MED13L: variants seen among roughly 807,000 people sequenced by gnomAD.
MED13L encodes the protein mediator complex subunit 13L.
MED13L carries 7 observed loss-of-function variants against 220.9 expected under a neutral mutation model. The ratio of observed to expected loss-of-function variants is 0.03; its 90% CI spans 0.02 to 0.06. MED13L has a LOEUF of 0.06. Among genes scored for constraint, MED13L ranks in the 10% least tolerant of loss-of-function variants. The pLI is 1.00. For missense variants in MED13L, 1,965 were observed against 2,760.5 expected (o/e 0.71, Z 6.46); for synonymous variants, 1,011 against 1,015.2 (o/e 1.00, Z 0.08).
At chr12:116,078,330 ATAATT>A (rs1005292904) in intron 4 of MED13L, among the ~76,000 whole-genome samples, 7 of 152,172 alleles carry the variant, frequency 4.6e-5, no homozygotes, top group African/African-American at 1.7e-4. Flanking sequence ...ATTTCTACAT[ATAATT>A]TAATTTCTAC....
intron 2 of MED13L, among the ~76,000 whole-genome samples, chr12:116,213,401 T>C (rs1203060937): frequency 3.0e-5 from 2 of 66,720 alleles, no homozygotes; most frequent in African/African-American, 3.0e-4. Flanking sequence ...AGTGCAAAAG[T>C]TTGTTTTTGT....
intron 2 of MED13L, among the ~76,000 whole-genome samples, chr12:116,124,557 T>C (rs1171857786): frequency 2.0e-5 from 3 of 152,156 alleles, no homozygotes. Flanking sequence ...TTCCTTAATA[T>C]AAAATGCTAC....
intron 4 of MED13L, among the ~76,000 whole-genome samples, chr12:116,064,409 G>C (rs1225894967): frequency 6.6e-6 from 1 of 152,148 alleles, no homozygotes; most frequent in African/African-American, 2.4e-5. Flanking sequence ...TCTGTGGTTG[G>C]TTGAATCCTT....
At chr12:116,135,797 G>A (rs894583863) in intron 2 of MED13L, among the ~76,000 whole-genome samples, 2 of 152,098 alleles carry the variant, frequency 1.3e-5, no homozygotes, top group South Asian at 4.1e-4. Flanking sequence ...ATACACAAAG[G>A]CTAGCTGATC....
At chr12:116,117,420 T>C (rs1217301232) in intron 2 of MED13L, among the ~76,000 whole-genome samples, 2 of 152,278 alleles carry the variant, frequency 1.3e-5, no homozygotes, top group Non-Finnish European at 2.9e-5. Flanking sequence ...CTAAATAATG[T>C]ATTATTTACT....
At chr12:116,133,389 A>G (rs145959447) in intron 2 of MED13L, among the ~76,000 whole-genome samples, 6 of 152,298 alleles carry the variant, frequency 3.9e-5, no homozygotes, top group African/African-American at 1.2e-4. Flanking sequence ...AAGTGCTAAC[A>G]ATCTGGAAAC....
chr12:116,265,198 C>T (rs1872745312), intron 1 of MED13L, among the ~76,000 whole-genome samples: 1 of 152,206 alleles, frequency 6.6e-6, no homozygotes, highest in Admixed American at 6.5e-5. Context: ...CTGAAAATCA[C>T]CATTATTTCA....
At chr12:116,144,318 C>T (rs1877309757) in intron 2 of MED13L, among the ~76,000 whole-genome samples, 1 of 152,134 alleles carries the variant, frequency 6.6e-6, no homozygotes, top group African/African-American at 2.4e-5. Flanking sequence ...CAAATTTCCC[C>T]CATCTCTTGT....
chr12:115,991,760 G>A lies in MED13L; in HGVS notation c.3194C>T (p.Thr1065Ile), dbSNP rs1878077544. ...RTPRTPRGGG[T>I]ASGQGSVKYD... ...CTTAACAGACCCTTGACCACTGGCAGTGCCCCCACCTCTGGGAGTTCTTGG... is the reference window on the plus strand; with the variant it reads ...CTTAACAGACCCTTGACCACTGGCAATGCCCCCACCTCTGGGAGTTCTTGG... Residue 1065 changes from threonine (T) to isoleucine (I), a missense_variant, in exon 17 of 31, where the codon ACT (threonine) becomes ATT (isoleucine). Thr to Ile is a moderately conservative substitution (Grantham distance 89). Around this residue, in one of 10 missense-constraint regions of MED13L, gnomAD observed 233 missense variants for 306.2 expected, o/e 0.76. Coordinates refer to ENST00000281928, the MANE Select transcript of MED13L (RefSeq NM_015335.5). The surrounding 1 kb of genome is among the most constrained non-coding windows in gnomAD (Gnocchi z 7.7). 2 of 1,613,856 alleles carry A rather than the reference G, an allele frequency of 1.2e-6. No individual in the cohort carries two copies. Among genetic ancestry groups the A allele is most frequent in the Non-Finnish European group, 1.7e-6 (2 of 1,179,974 alleles).
intron 3 of MED13L, among the ~76,000 whole-genome samples, chr12:116,101,723 A>T (rs1467871298): frequency 6.6e-6 from 1 of 152,248 alleles, no homozygotes; most frequent in African/African-American, 2.4e-5. Context: ...TCTAAGATAT[A>T]AAAGTTACAT....
chr12:116,166,909 A>T (rs1879322917), intron 2 of MED13L, among the ~76,000 whole-genome samples: 1 of 152,236 alleles, frequency 6.6e-6, no homozygotes, highest in Non-Finnish European at 1.5e-5. Flanking sequence ...CACATTTTTC[A>T]ATCACAGTCC....
chr12:116,102,959 G>T (rs999787276), intron 3 of MED13L, among the ~76,000 whole-genome samples: 7 of 151,634 alleles, frequency 4.6e-5, no homozygotes, highest in African/African-American at 1.5e-4. Flanking sequence ...CTTGTGATCC[G>T]CCTGTCTCAG....
At chr12:115,971,153 G>T (rs1413982098) in intron 26 of MED13L, among the ~76,000 whole-genome samples, 5 of 152,132 alleles carry the variant, frequency 3.3e-5, no homozygotes, top group Non-Finnish European at 4.4e-5. Context: ...ATCAATACAT[G>T]TTATAACACT....
chr12:116,004,057 T>C (rs1006864738), intron 13 of MED13L, among the ~76,000 whole-genome samples: 3 of 152,202 alleles, frequency 2.0e-5, no homozygotes, highest in African/African-American at 7.2e-5. Context: ...TTAAGCTTAA[T>C]AGTAATTCAT....
rs750689150 is a variant in MED13L, at chr12:116,019,357, G to C, written c.876C>G (p.Ile292Met). 3.7e-6 allele frequency: 6 copies of C among 1,614,020 alleles called. No individual in the cohort carries two copies. The East Asian group carries it at 1.3e-4, about 36-fold the overall frequency. The change falls in exon 7 of 31, where the codon ATC becomes ATG. Residue 292 changes from isoleucine to methionine, a missense_variant. By Grantham distance (10) the Ile-to-Met change is conservative. Coordinates refer to ENST00000281928, the MANE Select transcript of MED13L (RefSeq NM_015335.5). ...CACTGGCAACACTCTGAGGAACCGG[G>C]ATGTCATTCTGAGAGATCAAAACAA... Reference protein sequence around the residue: ...SAFVLISQNDIPVPQSVASAG... With the variant: ...SAFVLISQNDMPVPQSVASAG...
rs2137331044 is a variant in MED13L at position 115,997,231 on chromosome 12, C to A, written c.2570-1G>T. ...AACATCCTTTGCAAGTCTGCAACTG[C>A]TAAAAATAAGAAATAAAAAAAATTT... On this transcript the variant is annotated splice_acceptor_variant, in intron 14 of 30. Coordinates refer to ENST00000281928, the MANE Select transcript of MED13L (RefSeq NM_015335.5). LOFTEE classifies it high-confidence loss of function. The A allele has an allele frequency of 6.2e-7, 1 of 1,613,512 alleles. No homozygotes were observed. The highest frequency in any genetic ancestry group is 1.3e-5 in the African/African-American group (1 of 74,958).
At chr12:116,225,010 T>A (rs1425211714) in intron 2 of MED13L, among the ~76,000 whole-genome samples, 1 of 152,190 alleles carries the variant, frequency 6.6e-6, no homozygotes, top group African/African-American at 2.4e-5. Flanking sequence ...CTTACATGTA[T>A]AAAGCTTGAA....
At chr12:116,204,739 C>T (rs577668262) in intron 2 of MED13L, among the ~76,000 whole-genome samples, 1 of 152,284 alleles carries the variant, frequency 6.6e-6, no homozygotes, top group East Asian at 1.9e-4. Context: ...TGCCCTTTAT[C>T]CTAAACCTAC....
At chr12:116,112,510 C>T (rs903052181) in intron 2 of MED13L, among the ~76,000 whole-genome samples, 1 of 152,090 alleles carries the variant, frequency 6.6e-6, no homozygotes, top group Non-Finnish European at 1.5e-5. Context: ...ACATTCAGGC[C>T]TTTTATCTTC....
Sources: gnomAD v4.1 joint callset for allele counts (sites outside exome capture counted in the v4.1 genomes callset) on GRCh38, gnomAD v4.1.1 for gene constraint, gnomAD v4.1.1 regional missense constraint, Gnocchi (gnomAD v3.1) non-coding constraint, MANE v1.5 for transcripts, NCBI Gene and HGNC (gene_info 2026-07-23, HGNC 2026-07-21) for gene names.